Variants in SERPINB12 observed in about 807,000 individuals in gnomAD.
SERPINB12 encodes the protein serpin family B member 12.
Under a neutral mutation model 41.1 loss-of-function variants are expected in SERPINB12, and 57 were observed. The observed-to-expected ratio is 1.39, with a 90% CI of 1.12 to 1.73. SERPINB12 has a LOEUF of 1.73. SERPINB12 is among the 40% of genes most tolerant of loss of function. The pLI is 0.00. For missense variants in SERPINB12, 536 were observed against 501.9 expected (o/e 1.07, Z -0.65); for synonymous variants, 180 against 181.3 (o/e 0.99, Z 0.06).
the SERPINB12 span, among the ~76,000 whole-genome samples, chr18:63,520,690 G>C: frequency 2.6e-5 from 4 of 152,196 alleles, no homozygotes; most frequent in Non-Finnish European, 2.9e-5. Flanking sequence ...AGAAAATGTA[G>C]AGAAGTTTGA....
chr18:63,539,303 A>T (rs1910229666), upstream of SERPINB12, among the ~76,000 whole-genome samples: 1 of 152,156 alleles, frequency 6.6e-6, no homozygotes, highest in Non-Finnish European at 1.5e-5. Flanking sequence ...GTAATTCTAA[A>T]AGTGTGCTAA....
intron 1 of SERPINB12, among the ~76,000 whole-genome samples, chr18:63,546,689 A>G (rs1910395231): frequency 6.6e-6 from 1 of 152,250 alleles, no homozygotes; most frequent in Non-Finnish European, 1.5e-5. Flanking sequence ...AGGGCTCTAT[A>G]AAATTGGAAA....
upstream of SERPINB12, among the ~76,000 whole-genome samples, chr18:63,541,366 C>A (rs1910269968): frequency 6.6e-6 from 1 of 152,126 alleles, no homozygotes; most frequent in African/African-American, 2.4e-5. Context: ...ATGATCCTCA[C>A]TCAATCATGA....
At chr18:63,541,884 G>A (rs1293515535), upstream of SERPINB12, among the ~76,000 whole-genome samples, 1 of 152,194 alleles carries the variant, frequency 6.6e-6, no homozygotes, top group Non-Finnish European at 1.5e-5. Flanking sequence ...GACAGCTGTG[G>A]AGTTGCAGTC....
upstream of SERPINB12, among the ~76,000 whole-genome samples, chr18:63,540,028 T>C (rs548416430): frequency 1.5e-4 from 23 of 152,248 alleles, no homozygotes; most frequent in African/African-American, 4.8e-4. Context: ...GGTTTTCCCC[T>C]AAGAATACTG....
the SERPINB12 span, among the ~76,000 whole-genome samples, chr18:63,526,931 C>T: frequency 6.6e-6 from 1 of 152,122 alleles, no homozygotes; most frequent in Non-Finnish European, 1.5e-5. Flanking sequence ...ACCTGTGCCG[C>T]ATGTAACTGT....
At chr18:63,526,870 A>G in the SERPINB12 span, among the ~76,000 whole-genome samples, 1 of 152,142 alleles carries the variant, frequency 6.6e-6, no homozygotes, top group Non-Finnish European at 1.5e-5. Context: ...ATGAACCTAG[A>G]TGGCATAGCC....
At chr18:63,560,337 T>C (rs906261628) in intron 4 of SERPINB12, among the ~76,000 whole-genome samples, 1 of 152,204 alleles carries the variant, frequency 6.6e-6, no homozygotes, top group Admixed American at 6.5e-5. Flanking sequence ...ATGTGGGGGA[T>C]ATGACCAATG....
At chr18:63,553,896 G>C (rs915132326) in intron 1 of SERPINB12, among the ~76,000 whole-genome samples, 5 of 152,078 alleles carry the variant, frequency 3.3e-5, no homozygotes, top group African/African-American at 1.2e-4. Flanking sequence ...GTAGCTTTCT[G>C]AGTTGTGAGG....
At chr18:63,552,876 C>T (rs919661578) in intron 1 of SERPINB12, among the ~76,000 whole-genome samples, 7 of 152,008 alleles carry the variant, frequency 4.6e-5, no homozygotes, top group African/African-American at 1.7e-4. Flanking sequence ...ATTAAATGTT[C>T]ATTATTTGCT....
intron 5 of SERPINB12, among the ~76,000 whole-genome samples, chr18:63,562,482 G>A (rs950660241): frequency 2.2e-4 from 34 of 152,262 alleles, no homozygotes; most frequent in African/African-American, 8.2e-4. Context: ...ACTTATTTTA[G>A]GCTGTCCTTG....
chr18:63,529,866 A>G, the SERPINB12 span, among the ~76,000 whole-genome samples: 1 of 152,174 alleles, frequency 6.6e-6, no homozygotes, highest in Non-Finnish European at 1.5e-5. Context: ...CAAATTAAAG[A>G]ACTCTTATTA....
upstream of SERPINB12, among the ~76,000 whole-genome samples, chr18:63,539,340 C>G (rs1910230517): frequency 6.6e-6 from 1 of 152,094 alleles, no homozygotes; most frequent in Non-Finnish European, 1.5e-5. Context: ...TCCACTTCCC[C>G]ATGTCCCCTG....
chr18:63,524,630 C>G, the SERPINB12 span, among the ~76,000 whole-genome samples: 1 of 151,944 alleles, frequency 6.6e-6, no homozygotes, highest in African/African-American at 2.4e-5. Flanking sequence ...AAAACATTTG[C>G]AACGTGCTCA....
At chr18:63,554,950 G>T (rs1020505146) in intron 1 of SERPINB12, among the ~76,000 whole-genome samples, 1 of 152,150 alleles carries the variant, frequency 6.6e-6, no homozygotes, top group Non-Finnish European at 1.5e-5. Context: ...GTGTTTGGCA[G>T]TTCCTCCTTT....
chr18:63,565,829 A>T (rs1911082620), intron 7 of SERPINB12, among the ~76,000 whole-genome samples: 1 of 152,208 alleles, frequency 6.6e-6, no homozygotes, highest in African/African-American at 2.4e-5. Flanking sequence ...TTTCTTCTTT[A>T]ATCTCATAGC....
chr18:63,562,941 C>T (rs1205476891), intron 5 of SERPINB12, among the ~76,000 whole-genome samples: 1 of 152,124 alleles, frequency 6.6e-6, no homozygotes, highest in African/African-American at 2.4e-5. Flanking sequence ...TGGGATATTG[C>T]CCGCTAGCCT....
At chr18:63,561,304 T>A (rs1035933036) in intron 5 of SERPINB12, 102 bp downstream of exon 5, 2 of 707,144 alleles carry the variant, frequency 2.8e-6, no homozygotes, top group African/African-American at 3.6e-5. Context: ...GGCCAGAGGT[T>A]CACATATGTG....
intron 2 of SERPINB12, 122 bp from the exon 3 acceptor site, chr18:63,558,230 T>C: frequency 1.7e-6 from 2 of 1,154,504 alleles, no homozygotes; most frequent in South Asian, 1.7e-5. Flanking sequence ...CTTTAAACTG[T>C]TGTTGATTGT....
Sources: gnomAD v4.1 joint callset for allele counts (sites outside exome capture counted in the v4.1 genomes callset) on GRCh38, gnomAD v4.1.1 for gene constraint, MANE v1.5 for transcripts, NCBI Gene and HGNC (gene_info 2026-07-23, HGNC 2026-07-21) for gene names.